ADGRL2: variants seen among roughly 807,000 people sequenced by gnomAD.
ADGRL2 encodes the protein adhesion G protein-coupled receptor L2.
A neutral mutation model predicts 157.4 loss-of-function variants in ADGRL2; 44 were observed. That is an observed-to-expected ratio of 0.28 (90% CI 0.22 to 0.36). The LOEUF (loss-of-function observed/expected upper bound fraction) is 0.36. Ranked by LOEUF, ADGRL2 falls within the 10% of genes least tolerant of loss-of-function variation. The pLI is 1.00. For missense variants in ADGRL2, 1,510 were observed against 1,768.9 expected (o/e 0.85, Z 2.63); for synonymous variants, 585 against 624.7 (o/e 0.94, Z 0.95).
chr1:81,723,736 A>G (rs540222739), intron 1 of ADGRL2, among the ~76,000 whole-genome samples: 1 of 152,334 alleles, frequency 6.6e-6, no homozygotes, highest in African/African-American at 2.4e-5. Context: ...GACTGGAAGT[A>G]CTTGGCAGGG....
At chr1:81,314,518 A>T (rs1557589033) in intron 1 of ADGRL2, among the ~76,000 whole-genome samples, 1 of 152,312 alleles carries the variant, frequency 6.6e-6, no homozygotes, top group East Asian at 1.9e-4. Flanking sequence ...AAAAAGAAAG[A>T]GCCAGTAGAA....
intron 2 of ADGRL2, among the ~76,000 whole-genome samples, chr1:81,485,830 G>A (rs1433055009): frequency 6.6e-6 from 1 of 151,920 alleles, no homozygotes; most frequent in Non-Finnish European, 1.5e-5. Flanking sequence ...AATGAATCAT[G>A]TATAAATGAT....
At chr1:81,598,429 T>C (rs1415949988) in intron 3 of ADGRL2, among the ~76,000 whole-genome samples, 1 of 152,184 alleles carries the variant, frequency 6.6e-6, no homozygotes, top group Non-Finnish European at 1.5e-5. Flanking sequence ...CTTACAATAA[T>C]TGAGATTTGT....
At chr1:81,465,591 AAAAATGAAAAATTTTTCTAGATC>A (rs1319265301) in intron 2 of ADGRL2, among the ~76,000 whole-genome samples, 3 of 152,140 alleles carry the variant, frequency 2.0e-5, no homozygotes, top group Non-Finnish European at 2.9e-5. Flanking sequence ...AAGTAATATT[AAAAATGAAAAATTTTTCTAGATC>A]CCGCAAATGT....
chr1:81,980,030 G>GAGCTGAAAAATGAATAGTTCTTGCAAAT, intron 18 of ADGRL2, 70 bp downstream of exon 18: 1 of 841,258 alleles, frequency 1.2e-6, no homozygotes, highest in South Asian at 1.5e-5. Flanking sequence ...AGGGAACACA[G>GAGCTGAAAAATGAATAGTTCTTGCAAAT]GGATTTCTAC....
intron 11 of ADGRL2, among the ~76,000 whole-genome samples, chr1:81,957,579 A>G (rs1022087814): frequency 1.3e-5 from 2 of 152,040 alleles, no homozygotes; most frequent in Non-Finnish European, 2.9e-5. Context: ...ATGGTGGCGC[A>G]TGCCTGTAGT....
rs568972951 is a variant in ADGRL2 at position 81,452,778 on chromosome 1, G to A, written c.-248+7689G>A. 5.9e-5 allele frequency among the ~76,000 whole-genome samples: 9 copies of A among 152,250 alleles called. No individual in the cohort carries two copies. The East Asian group carries it at 1.7e-3, about 29-fold the overall frequency. The stretch of plus-strand genomic sequence containing the variant: ...CGCTGAGTATATTCATGCATCAGTC[G>A]AGTAGGTTTTGCAGATGAAGATATG... On this transcript the variant is annotated intron_variant, in intron 2 of 24. Transcript: ENST00000370721.
chr1:81,580,547 G>T (rs763788310), intron 2 of ADGRL2, among the ~76,000 whole-genome samples: 4 of 152,132 alleles, frequency 2.6e-5, no homozygotes, highest in Non-Finnish European at 5.9e-5. Context: ...GGTCAGGAGT[G>T]CTGAGAGCTG....
intron 17 of ADGRL2, among the ~76,000 whole-genome samples, chr1:81,977,730 G>T (rs765317339): frequency 3.3e-5 from 5 of 151,414 alleles, no homozygotes; most frequent in African/African-American, 1.2e-4. Flanking sequence ...GTTCCCAAGG[G>T]AATAATTAAT....
At chr1:81,739,673 T>C (rs1161189326) in intron 1 of ADGRL2, among the ~76,000 whole-genome samples, 1 of 152,202 alleles carries the variant, frequency 6.6e-6, no homozygotes, top group African/African-American at 2.4e-5. Flanking sequence ...GATACCTGCC[T>C]CAGCAGAGGC....
At chr1:81,427,398 G>C in intron 1 of ADGRL2, 1 of 743,746 alleles carries the variant, frequency 1.3e-6, no homozygotes, top group Non-Finnish European at 2.5e-6. Context: ...TATGGTGGTG[G>C]TGGTGGAGGA....
At chr1:81,980,871 G>T in intron 18 of ADGRL2, 1 of 639,484 alleles carries the variant, frequency 1.6e-6, no homozygotes, top group Non-Finnish European at 2.9e-6. Context: ...ACAAATTTAT[G>T]GCATGATTTG....
At chr1:81,323,387 G>A (rs1345807143) in intron 1 of ADGRL2, among the ~76,000 whole-genome samples, 2 of 149,880 alleles carry the variant, frequency 1.3e-5, no homozygotes, top group Non-Finnish European at 1.5e-5. Context: ...CCATAGGTAC[G>A]AGCCATTGTA....
intron 2 of ADGRL2, chr1:81,515,286 T>C (rs1405478473): frequency 1.3e-5 from 2 of 152,146 alleles, no homozygotes; most frequent in Non-Finnish European, 2.9e-5. Flanking sequence ...TCTGTATTTG[T>C]TGCTATTAAC....
intron 1 of ADGRL2, chr1:81,427,197 A>G: frequency 1.2e-6 from 1 of 854,140 alleles, no homozygotes; most frequent in South Asian, 1.3e-5. Context: ...AATTTTGGCC[A>G]TGGTGGCAAC....
In ADGRL2 at chr1:81,943,213, G is replaced by T. The variant is rs752716210; in HGVS notation, c.654G>T (p.Val218=). 2 of 1,613,462 alleles carry T rather than the reference G, an allele frequency of 1.2e-6. No homozygotes were observed. The highest frequency in any genetic ancestry group is 1.7e-6 in the Non-Finnish European group (2 of 1,179,662). ...GAGTAGATGGTACTGGATTTGTGGT[G>T]TATGATGGTGCTGTCTTCTTTAACA... ...PNRVDGTGFV[V]YDGAVFFNKE... The change falls in exon 6 of 24, where the codon GTG becomes GTT. Residue 218 remains valine (V), a synonymous_variant. Transcript: ENST00000686636. The surrounding 1 kb of genome is among the most constrained non-coding windows in gnomAD (Gnocchi z 5.6).
chr1:81,450,642 A>C (rs534711053), intron 2 of ADGRL2, among the ~76,000 whole-genome samples: 2 of 152,124 alleles, frequency 1.3e-5, no homozygotes, highest in East Asian at 3.9e-4. Flanking sequence ...GACTGAGTTG[A>C]CAGTTTTATT....
chr1:81,652,001 C>T (rs1023414735), intron 3 of ADGRL2, among the ~76,000 whole-genome samples: 3 of 152,094 alleles, frequency 2.0e-5, no homozygotes, highest in African/African-American at 4.8e-5. Flanking sequence ...GGCACCACAC[C>T]ACAGCCCAGC....
At chr1:81,354,656 T>A (rs2100858506) in intron 1 of ADGRL2, among the ~76,000 whole-genome samples, 1 of 152,328 alleles carries the variant, frequency 6.6e-6, no homozygotes, top group Non-Finnish European at 1.5e-5. Flanking sequence ...TTTCCTGTAC[T>A]CATGCATTCA....
Sources: gnomAD v4.1 joint callset for allele counts (sites outside exome capture counted in the v4.1 genomes callset) on GRCh38, gnomAD v4.1.1 for gene constraint, Gnocchi (gnomAD v3.1) non-coding constraint, MANE v1.5 for transcripts, NCBI Gene and HGNC (gene_info 2026-07-23, HGNC 2026-07-21) for gene names.